Variants in SBF2 observed in about 807,000 individuals in gnomAD.
SBF2 encodes the protein SET binding factor 2.
In SBF2, 112 loss-of-function variants were observed where a neutral mutation model predicts 225.2. The ratio of observed to expected loss-of-function variants is 0.50; its 90% confidence interval spans 0.43 to 0.58. The LOEUF is 0.58. Among genes scored for constraint, SBF2 ranks in the 20% least tolerant of loss-of-function variants. SBF2 has a pLI of 0.00. For synonymous variants in SBF2, 763 were observed against 773.3 expected (o/e 0.99, Z 0.22); for missense variants, 1,996 against 2,206.2 (o/e 0.90, Z 1.91).
At chr11:10,152,272 C>G (rs1381739227) in intron 2 of SBF2, among the ~76,000 whole-genome samples, 1 of 152,076 alleles carries the variant, frequency 6.6e-6, no homozygotes, top group African/African-American at 2.4e-5. Flanking sequence ...CCATATAGGC[C>G]GGGAGCGGTG....
intron 3 of SBF2, among the ~76,000 whole-genome samples, chr11:10,033,755 T>C (rs1193450687): frequency 1.3e-5 from 2 of 152,082 alleles, no homozygotes; most frequent in African/African-American, 2.4e-5. Flanking sequence ...GTGACATTTT[T>C]GATAAAATTT....
At chr11:10,059,076 T>C (rs1950346095) in intron 2 of SBF2, among the ~76,000 whole-genome samples, 1 of 152,094 alleles carries the variant, frequency 6.6e-6, no homozygotes, top group Non-Finnish European at 1.5e-5. Flanking sequence ...CACAGACCAG[T>C]GTCACTGTAA....
chr11:10,157,178 T>C (rs1318453207), intron 2 of SBF2, among the ~76,000 whole-genome samples: 2 of 152,222 alleles, frequency 1.3e-5, no homozygotes, highest in Non-Finnish European at 2.9e-5. Context: ...AAGGATTCCC[T>C]ATTCAATAAA....
Position 10,303,017 on chromosome 11 carries a change from C to G in SBF2, n.386+1475G>C, listed in dbSNP as rs1964612108. The G allele has an allele frequency of 6.6e-6, 1 of 152,254 alleles. No individual in the cohort carries two copies. The highest frequency in any genetic ancestry group is 2.4e-5 in the African/African-American group (1 of 41,450). The allele number at this position is 152,254 out of a possible 1,614,324, so 9.4% of individuals were successfully genotyped here. On this transcript the variant is annotated intron_variant and non_coding_transcript_variant, in intron 1 of 5. Transcript: ENST00000685217. The surrounding 1 kb of genome is among the most constrained non-coding windows in gnomAD (Gnocchi z 5.2). Reference sequence around the variant, plus strand: ...CGACAAGTAGGTCGCATCCTCAGAGCGACTGATAGCCAGTCCTGGATCTGC... The same window carrying G: ...CGACAAGTAGGTCGCATCCTCAGAGGGACTGATAGCCAGTCCTGGATCTGC...
chr11:9,948,059 G>A (rs1443525157), intron 16 of SBF2, among the ~76,000 whole-genome samples: 1 of 151,940 alleles, frequency 6.6e-6, no homozygotes, highest in Non-Finnish European at 1.5e-5. Flanking sequence ...AGATGAACGG[G>A]TAAACAAAAC....
rs1591344645 is a variant in SBF2, at chr11:10,271,939, G to C, written c.55+22076C>G. 2 of 577,206 alleles carry C rather than the reference G, an allele frequency of 3.5e-6. 1 individual carries two copies. Among genetic ancestry groups the C allele is most frequent in the Admixed American group, 6.7e-5 (2 of 30,004 alleles). The allele number at this position is 577,206 out of a possible 1,614,324, so 35.8% of individuals were successfully genotyped here. ...ATTTTGGCTATAGGACCAGGCCACAGGAAAGGGCTGAAATATCTCTAAAAG... is the reference window on the plus strand; with the variant it reads ...ATTTTGGCTATAGGACCAGGCCACACGAAAGGGCTGAAATATCTCTAAAAG... On this transcript the variant is annotated intron_variant, in intron 1 of 39. Coordinates refer to ENST00000256190, the MANE Select transcript of SBF2 (RefSeq NM_030962.4).
intron 2 of SBF2, among the ~76,000 whole-genome samples, chr11:10,127,663 C>A (rs1479151958): frequency 6.6e-6 from 1 of 152,140 alleles, no homozygotes; most frequent in Non-Finnish European, 1.5e-5. Flanking sequence ...CTATTAACAT[C>A]ACCTAACAGT....
chr11:10,017,326 T>A (rs2134580817), intron 6 of SBF2, among the ~76,000 whole-genome samples: 1 of 152,316 alleles, frequency 6.6e-6, no homozygotes, highest in African/African-American at 2.4e-5. Context: ...CAAAACAGAA[T>A]ATAGTTCAAA....
At position 10,129,167 on chromosome 11, in the gene SBF2, G is replaced by C. The variant is rs181332611; in HGVS notation, c.141+64735C>G. 3.7e-5 allele frequency among the ~76,000 whole-genome samples: 5 copies of C among 133,878 alleles called. No homozygotes were observed. The South Asian group carries it at 1.2e-3, about 32-fold the overall frequency. The allele number at this position is 133,878 out of a possible 152,430, so 87.8% of individuals were successfully genotyped here. ...CCATCAGGCTGGAGTGCAGTGGCAC[G>C]ATCTTGGCTTACTGCAACCTCGACC... On this transcript the variant is annotated intron_variant, in intron 2 of 39. Coordinates refer to ENST00000256190, the MANE Select transcript of SBF2 (RefSeq NM_030962.4).
chr11:10,106,387 G>A (rs1239519845), intron 2 of SBF2, among the ~76,000 whole-genome samples: 1 of 152,186 alleles, frequency 6.6e-6, no homozygotes, highest in Non-Finnish European at 1.5e-5. Context: ...AGGACTTTGG[G>A]AGGCCGAGGC....
intron 25 of SBF2, among the ~76,000 whole-genome samples, chr11:9,840,138 G>A (rs1856017778): frequency 6.6e-6 from 1 of 152,088 alleles, no homozygotes; most frequent in Non-Finnish European, 1.5e-5. Context: ...GGAGGCTGAG[G>A]CAGGAGAATC....
At chr11:10,092,063 T>C (rs1386218572) in intron 2 of SBF2, among the ~76,000 whole-genome samples, 2 of 152,166 alleles carry the variant, frequency 1.3e-5, no homozygotes, top group African/African-American at 2.4e-5. Flanking sequence ...CTACCAAAGA[T>C]AAACTCACCT....
chr11:10,201,930 T>C (rs866668056), intron 1 of SBF2, among the ~76,000 whole-genome samples: 3 of 152,202 alleles, frequency 2.0e-5, no homozygotes, highest in Admixed American at 6.5e-5. Flanking sequence ...AGGTATGTCA[T>C]TAAAAATAAT....
In SBF2 at chr11:9,857,090, C is replaced by A. The variant is rs143729881; in HGVS notation, c.2101-370G>T. Among the ~76,000 whole-genome samples the A allele has an allele frequency of 6.9e-3, 1,054 of 152,268 alleles. 15 individuals carry two copies. The highest frequency in any genetic ancestry group is 0.023 in the African/African-American group (966 of 41,570). ...GCGTGAGCAACCGCGCCCGGCCTAA[C>A]ATAGATGTTTTAAATAACTATTCTA... is the stretch of plus-strand genomic sequence containing the variant. On this transcript the variant is annotated intron_variant, in intron 18 of 39. Transcript: ENST00000256190.
At chr11:10,276,555 C>T (rs1226594331) in intron 1 of SBF2, among the ~76,000 whole-genome samples, 2 of 152,176 alleles carry the variant, frequency 1.3e-5, no homozygotes, top group African/African-American at 2.4e-5. Flanking sequence ...TCCCAGTCCC[C>T]ACAATGTATT....
chr11:9,917,044 G>A (rs1359479198), intron 16 of SBF2, among the ~76,000 whole-genome samples: 2 of 148,500 alleles, frequency 1.3e-5, no homozygotes, highest in Non-Finnish European at 3.0e-5. Flanking sequence ...TTACACATGT[G>A]TTCTTTTTTT....
intron 28 of SBF2, chr11:9,828,579 TAACACATTAGGGTTACCTCTACATG>T: frequency 3.0e-6 from 3 of 985,434 alleles, no homozygotes; most frequent in Non-Finnish European, 3.6e-6. Flanking sequence ...CTCCTGTGTC[TAACACATTAGGGTTACCTCTACATG>T]AACCCTTTGG....
Position 9,779,123 on chromosome 11 carries a change from A to ATT in SBF2, c.*1293_*1294dup, listed in dbSNP as rs1851877349. ...AATTTTAAATTTGAAATTCTGATTT[A>ATT]TTTTTAATCTACAAAGTATTTTTAT... is the stretch of plus-strand genomic sequence containing the variant. On this transcript the variant is annotated 3_prime_UTR_variant, in exon 40 of 40. Coordinates refer to ENST00000256190, the MANE Select transcript of SBF2 (RefSeq NM_030962.4). The ATT allele has an allele frequency of 6.6e-6, 1 of 152,598 alleles. No homozygotes were observed. Among genetic ancestry groups the ATT allele is most frequent in the African/African-American group, 2.4e-5 (1 of 41,450 alleles). 9.5% of individuals were successfully genotyped at this position (152,598 alleles called of 1,614,324 possible).
At chr11:10,077,737 T>G (rs1305746455) in intron 2 of SBF2, among the ~76,000 whole-genome samples, 1 of 152,178 alleles carries the variant, frequency 6.6e-6, no homozygotes, top group Non-Finnish European at 1.5e-5. Context: ...GGCAAAGACT[T>G]CATGACTAAA....
Sources: gnomAD v4.1 joint callset for allele counts (sites outside exome capture counted in the v4.1 genomes callset) on GRCh38, gnomAD v4.1.1 for gene constraint, Gnocchi (gnomAD v3.1) non-coding constraint, MANE v1.5 for transcripts, NCBI Gene and HGNC (gene_info 2026-07-23, HGNC 2026-07-21) for gene names.